The following ASAH2 variants were observed in gnomAD, a reference collection of about 807,000 sequenced individuals.
ASAH2 encodes neutral ceramidase.
ASAH2 carries 58 observed loss-of-function variants against 82.9 expected under a neutral mutation model. That is an observed-to-expected ratio of 0.70 (90% confidence interval 0.57 to 0.87). ASAH2 has a LOEUF of 0.87. Among genes scored for constraint, ASAH2 ranks in the 40% least tolerant of loss-of-function variants. The pLI is 0.00. For synonymous variants in ASAH2, 276 were observed against 289.7 expected (o/e 0.95, Z 0.48); for missense variants, 779 against 834.0 (o/e 0.93, Z 0.81).
chr10:50,229,141 T>G (rs1326205753), intron 7 of ASAH2, among the ~76,000 whole-genome samples: 1 of 152,176 alleles, frequency 6.6e-6, no homozygotes, highest in Non-Finnish European at 1.5e-5. Flanking sequence ...TCATGTTTTC[T>G]TCACACACAT....
In ASAH2 at chr10:50,213,037, C is replaced by G; in HGVS notation, c.1162G>C (p.Gly388Arg). ...CTGTCAAACATATCCTGTCCAGGTC[C>G]CTTAGCAATGCACATGCTAGGCTGG... ...IGGPSMCIAK[G>R]PGQDMFDSTQ... Residue 388 changes from glycine (G) to arginine (R), a missense_variant, in exon 10 of 21, where the codon GGA becomes CGA. Gly to Arg is a moderately radical substitution (Grantham distance 125). This residue lies in a region of ASAH2 where 759 missense variants were observed against 755.2 expected (regional missense o/e 1.00). Coordinates refer to ENST00000682911, the MANE Select transcript of ASAH2 (RefSeq NM_019893.4). The G allele has an allele frequency of 6.2e-7, 1 of 1,613,694 alleles. No individual in the cohort carries two copies. Among genetic ancestry groups the G allele is most frequent in the South Asian group, 1.1e-5 (1 of 91,074 alleles).
At position 50,187,147 on chromosome 10, in the gene ASAH2, CA is replaced by C; in HGVS notation, c.*167del. On this transcript the variant is annotated 3_prime_UTR_variant, in exon 21 of 21. Transcript: ENST00000682911. ...ACACACACACACACACACACACACA[CA>C]CACACACACACACACCCCTCCACCC... is the stretch of plus-strand genomic sequence containing the variant. The C allele has an allele frequency of 2.6e-6, 1 of 379,180 alleles. No individual in the cohort carries two copies. The allele number at this position is 379,180 out of a possible 1,614,324, so 23.5% of individuals were successfully genotyped here.
chr10:50,248,124 GC>G (rs983151008), intron 2 of ASAH2, among the ~76,000 whole-genome samples: 5 of 152,104 alleles, frequency 3.3e-5, no homozygotes, highest in Non-Finnish European at 7.4e-5. Context: ...TTCTCCTTTT[GC>G]CCCCAGGAGA....
Position 50,203,615 on chromosome 10 carries a change from ATATGT to A in ASAH2, c.1665+20_1665+24del. 2.5e-6 allele frequency: 4 copies of A among 1,602,452 alleles called. No homozygotes were observed. The highest frequency in any genetic ancestry group is 1.1e-5 in the South Asian group (1 of 90,866). ...CTCTTCACCAAACATGAACATGTAG[ATATGT>A]TATTTTATTTTTAACTTACTGCTTG... On this transcript the variant is annotated intron_variant, in intron 15 of 20. Coordinates refer to ENST00000682911, the MANE Select transcript of ASAH2 (RefSeq NM_019893.4).
intron 18 of ASAH2, among the ~76,000 whole-genome samples, chr10:50,193,434 A>G (rs79544721): frequency 0.2 from 28,379 of 144,378 alleles, 2,875 homozygotes; most frequent in East Asian, 0.36. Flanking sequence ...CAGAGACAGA[A>G]ATCTGGAGAT....
At chr10:50,211,202 G>A (rs1845446474) in intron 10 of ASAH2, 68 bp from the exon 11 acceptor site, 2 of 1,154,468 alleles carry the variant, frequency 1.7e-6, no homozygotes, top group Middle Eastern at 3.9e-4. Flanking sequence ...CTGTACTCAG[G>A]AAGTACCAAT....
chr10:50,250,863 G>A (rs552704451), intron 1 of ASAH2, among the ~76,000 whole-genome samples: 16 of 152,274 alleles, frequency 1.1e-4, no homozygotes, highest in Non-Finnish European at 2.1e-4. Context: ...CACCTATTAC[G>A]TGGACTTGAA....
At chr10:50,199,018 G>A (rs1364199218) in intron 17 of ASAH2, 33 bp downstream of exon 17, 11 of 1,599,386 alleles carry the variant, frequency 6.9e-6, no homozygotes, top group Middle Eastern at 1.7e-4. Flanking sequence ...ACACACGCAC[G>A]CGCGCATGCA....
Position 50,235,933 on chromosome 10 carries a change from T to A in ASAH2, c.642A>T (p.Gly214=). The change falls in exon 5 of 21, where the codon GGA becomes GGT. Residue 214 remains glycine (G), a synonymous_variant. Coordinates refer to ENST00000682911, the MANE Select transcript of ASAH2 (RefSeq NM_019893.4). ...QYTVFVIASE[G]FSNQTFQHMV... is the part of the protein sequence containing the mutation. ...TGTGCTGAAAAGTTTGATTGCTAAA[T>A]CCTTCACTGGCAATTACAAACACGG... 6.2e-7 allele frequency: 1 copy of A among 1,613,388 alleles called. No homozygotes were observed. The highest frequency in any genetic ancestry group is 1.7e-4 in the Middle Eastern group (1 of 6,052).
chr10:50,205,056 A>G lies in ASAH2; in HGVS notation c.1531-101T>C, dbSNP rs1427415986. ...AATTTCCTCTAGTTTCTAATTTATG[A>G]TGTAGTATTAAATATTCTATATGGG... On this transcript the variant is annotated intron_variant, in intron 13 of 20. Coordinates refer to ENST00000682911, the MANE Select transcript of ASAH2 (RefSeq NM_019893.4). The G allele has an allele frequency of 4.0e-5, 31 of 773,776 alleles. No individual in the cohort carries two copies. In the Admixed American group the frequency reaches 7.5e-4, roughly 19 times the overall value. The allele number at this position is 773,776 out of a possible 1,614,324, so 47.9% of individuals were successfully genotyped here.
intron 16 of ASAH2, among the ~76,000 whole-genome samples, chr10:50,200,781 A>G (rs1307685694): frequency 6.6e-6 from 1 of 152,130 alleles, no homozygotes; most frequent in African/African-American, 2.4e-5. Context: ...TAATAGTAAT[A>G]CTTGCTGGAG....
chr10:50,251,262 C>G (rs1392000483), intron 1 of ASAH2, among the ~76,000 whole-genome samples, 133 bp downstream of exon 1: 1 of 152,104 alleles, frequency 6.6e-6, no homozygotes, highest in Non-Finnish European at 1.5e-5. Flanking sequence ...TAAAAGGTAA[C>G]AATTTGGCAA....
At chr10:50,205,869 A>G in intron 13 of ASAH2, 113 bp downstream of exon 13, 1 of 901,976 alleles carries the variant, frequency 1.1e-6, no homozygotes, top group South Asian at 1.4e-5. Context: ...TGATATGGGA[A>G]TATCTAAATA....
intron 2 of ASAH2, among the ~76,000 whole-genome samples, chr10:50,248,200 G>A (rs922806271): frequency 6.6e-6 from 1 of 152,190 alleles, no homozygotes; most frequent in Non-Finnish European, 1.5e-5. Flanking sequence ...GCCATTACTA[G>A]ACCTTGACGA....
At chr10:50,239,799 T>C (rs1846246992) in intron 4 of ASAH2, among the ~76,000 whole-genome samples, 1 of 151,658 alleles carries the variant, frequency 6.6e-6, no homozygotes, top group Non-Finnish European at 1.5e-5. Flanking sequence ...CTGGCTTTTA[T>C]GTCTATTCAT....
rs1440454402 is a variant in ASAH2 at position 50,213,163 on chromosome 10, T to C, written c.1141-105A>G. 2.9e-6 allele frequency: 3 copies of C among 1,042,442 alleles called. No homozygotes were observed. The African/African-American group carries it at 4.7e-5, about 16-fold the overall frequency. 64.6% of individuals were successfully genotyped at this position (1,042,442 alleles called of 1,614,324 possible). ...AGCAAATAGATTTTTAAAACCACATTCTTGCATTTCTTTTCAGGTAGTCTC... is the reference window on the plus strand; with the variant it reads ...AGCAAATAGATTTTTAAAACCACATCCTTGCATTTCTTTTCAGGTAGTCTC... On this transcript the variant is annotated intron_variant, in intron 9 of 20. Transcript: ENST00000682911.
chr10:50,209,826 A>G lies in ASAH2; in HGVS notation c.1414+997T>C, dbSNP rs201931363. Among the ~76,000 whole-genome samples, 17 of 152,250 alleles carry G rather than the reference A, an allele frequency of 1.1e-4. No individual in the cohort carries two copies. The East Asian group carries it at 2.9e-3, about 26-fold the overall frequency. ...AATTATTAGGGAAATGCAAATCAAA[A>G]CCACAATGAGATATCCCTCCACACC... On this transcript the variant is annotated intron_variant, in intron 12 of 20. Transcript: ENST00000682911.
chr10:50,229,925 G>C (rs974696745), intron 7 of ASAH2, among the ~76,000 whole-genome samples: 3 of 152,110 alleles, frequency 2.0e-5, no homozygotes, highest in African/African-American at 7.2e-5. Flanking sequence ...ATGCCTATCT[G>C]TATGCCTTCT....
chr10:50,214,616 A>G (rs1845547212), intron 9 of ASAH2, 127 bp downstream of exon 9: 3 of 1,141,052 alleles, frequency 2.6e-6, no homozygotes, highest in African/African-American at 3.1e-5. Context: ...TGAGAAGAGC[A>G]GATGCTAGGG....
Sources: allele counts gnomAD v4.1 joint callset (sites outside exome capture counted in the v4.1 genomes callset), GRCh38; gene constraint gnomAD v4.1.1; regional missense constraint gnomAD v4.1.1; transcripts MANE v1.5; gene names NCBI Gene and HGNC (gene_info 2026-07-23, HGNC 2026-07-21).